The following ZNF487 variants were observed in gnomAD, a reference collection of about 807,000 sequenced individuals.
ZNF487 encodes zinc finger protein 487.
In ZNF487, 4 loss-of-function variants were observed where a neutral mutation model predicts 3.0. The ratio of observed to expected loss-of-function variants is 1.35; its 90% CI spans 0.66 to 3.08. The LOEUF (loss-of-function observed/expected upper bound fraction) is 3.08. Among genes scored for constraint, ZNF487 ranks in the 30% most tolerant of loss-of-function variants. The pLI is 0.01. For synonymous variants in ZNF487, 55 were observed against 34.6 expected, an observed-to-expected ratio of 1.59 and a Z score of -2.06; for missense variants, 146 against 98.7, an observed-to-expected ratio of 1.48 and a Z score of -2.03.
At chr10:43,494,218 A>T in the ZNF487 span, among the ~76,000 whole-genome samples, 3 of 152,134 alleles carry the variant, frequency 2.0e-5, no homozygotes, top group African/African-American at 7.2e-5. Context: ...AGCTTAGACA[A>T]TACACAAACA....
chr10:43,465,040 CGGGGGGCTG>C (rs1840622126), intron 1 of ZNF487, among the ~76,000 whole-genome samples: 3 of 86,976 alleles, frequency 3.4e-5, no homozygotes, highest in East Asian at 3.9e-4. Flanking sequence ...GCTGGCCGGG[CGGGGGGCTG>C]ACCCCCCCCA....
At chr10:43,466,158 G>C (rs1468913209) in intron 1 of ZNF487, among the ~76,000 whole-genome samples, 2 of 25,208 alleles carry the variant, frequency 7.9e-5, no homozygotes, top group African/African-American at 3.1e-4. Context: ...GCTTCGGCTC[G>C]GCATCAGAGG....
chr10:43,465,228 C>T (rs1366471772), intron 1 of ZNF487, among the ~76,000 whole-genome samples: 1 of 147,022 alleles, frequency 6.8e-6, no homozygotes, highest in Non-Finnish European at 1.5e-5. Context: ...GGGCGGCTGG[C>T]TGGGTGGGGG....
intron 1 of ZNF487, among the ~76,000 whole-genome samples, chr10:43,463,971 C>T (rs1840541937): frequency 6.6e-6 from 1 of 151,798 alleles, no homozygotes; most frequent in South Asian, 2.1e-4. Context: ...CCTTGAGACA[C>T]AACAATATTG....
At chr10:43,480,084 C>A (rs992237987) in intron 3 of ZNF487, among the ~76,000 whole-genome samples, 1 of 139,720 alleles carries the variant, frequency 7.2e-6, no homozygotes, top group East Asian at 2.2e-4. Flanking sequence ...TTCCTTCCTT[C>A]TTTCTTTTCT....
the ZNF487 span, among the ~76,000 whole-genome samples, chr10:43,492,309 A>G: frequency 2.0e-5 from 3 of 151,822 alleles, no homozygotes; most frequent in Non-Finnish European, 4.4e-5. Flanking sequence ...ATTCTATGTC[A>G]TCAAAATCTA....
chr10:43,450,645 C>T (rs1049700306), intron 1 of ZNF487, among the ~76,000 whole-genome samples: 3 of 151,958 alleles, frequency 2.0e-5, no homozygotes, highest in South Asian at 2.1e-4. Context: ...CCACCATGCC[C>T]AGCCGGAAAG....
At chr10:43,440,583 G>GGGAGGC (rs1380480888) in intron 1 of ZNF487, among the ~76,000 whole-genome samples, 2 of 151,796 alleles carry the variant, frequency 1.3e-5, no homozygotes, top group African/African-American at 4.8e-5. Flanking sequence ...TCTTGAATCT[G>GGGAGGC]GGAGGCAGAG....
chr10:43,499,977 A>G, the ZNF487 span, among the ~76,000 whole-genome samples: 20 of 152,018 alleles, frequency 1.3e-4, no homozygotes, highest in Admixed American at 1.3e-3. Context: ...TCCGCCTCCC[A>G]GGTTCAAGTG....
intron 1 of ZNF487, among the ~76,000 whole-genome samples, chr10:43,475,324 G>A (rs888798857): frequency 6.6e-6 from 1 of 152,098 alleles, no homozygotes; most frequent in Non-Finnish European, 1.5e-5. Context: ...TTCAAGACCA[G>A]CCTGGGCAAC....
At chr10:43,492,594 A>G in the ZNF487 span, among the ~76,000 whole-genome samples, 1,377 of 150,752 alleles carry the variant, frequency 9.1e-3, 22 homozygotes, top group African/African-American at 0.032. Flanking sequence ...TGGGACTACA[A>G]GCGCCCGCCA....
At chr10:43,509,550 G>A in the ZNF487 span, among the ~76,000 whole-genome samples, 1 of 151,240 alleles carries the variant, frequency 6.6e-6, no homozygotes, top group South Asian at 2.1e-4. Context: ...TGCAAGCTGA[G>A]GAGCAAGGAG....
the ZNF487 span, among the ~76,000 whole-genome samples, chr10:43,519,023 T>A: frequency 6.6e-6 from 1 of 152,324 alleles, no homozygotes; most frequent in Non-Finnish European, 1.5e-5. Flanking sequence ...TTGACATTTT[T>A]AATTCATTAG....
At chr10:43,454,885 C>T (rs1037867263) in intron 1 of ZNF487, among the ~76,000 whole-genome samples, 5 of 148,380 alleles carry the variant, frequency 3.4e-5, no homozygotes, top group Admixed American at 6.8e-5. Context: ...GTGCAGTGAG[C>T]CGTGACTGCG....
the ZNF487 span, chr10:43,523,679 G>T: frequency 6.6e-6 from 1 of 152,374 alleles, no homozygotes; most frequent in South Asian, 1.9e-4. Context: ...CTTTTCATGA[G>T]GAGGCAGCCT....
the ZNF487 span, among the ~76,000 whole-genome samples, chr10:43,489,211 C>T: frequency 3.3e-5 from 5 of 150,178 alleles, no homozygotes; most frequent in African/African-American, 7.4e-5. Context: ...TGCAGTGGCT[C>T]ATGCCAAGGA....
chr10:43,481,163 CTACAAAAAA>C (rs2132155602), intron 3 of ZNF487, among the ~76,000 whole-genome samples: 2 of 151,898 alleles, frequency 1.3e-5, no homozygotes, highest in Non-Finnish European at 2.9e-5. Context: ...AACTCCATCT[CTACAAAAAA>C]TACAAAAAAT....
chr10:43,483,223 CTTCTTTTCTT>C (rs58252359), downstream of ZNF487: 23 of 386,964 alleles, frequency 5.9e-5, no homozygotes, highest in Non-Finnish European at 3.0e-5. Flanking sequence ...GATATTTTAT[CTTCTTTTCTT>C]TTCTTTTCTT....
At chr10:43,516,447 G>T in the ZNF487 span, among the ~76,000 whole-genome samples, 2 of 152,054 alleles carry the variant, frequency 1.3e-5, no homozygotes, top group Non-Finnish European at 2.9e-5. Context: ...TTCTCTAGAG[G>T]GACAGAACTC....
Sources: allele counts gnomAD v4.1 joint callset (sites outside exome capture counted in the v4.1 genomes callset), GRCh38; gene constraint gnomAD v4.1.1; transcripts MANE v1.5; gene names NCBI Gene and HGNC (gene_info 2026-07-23, HGNC 2026-07-21).